ARHGAP8: variants seen among roughly 807,000 people sequenced by gnomAD.
ARHGAP8 encodes the protein Rho GTPase activating protein 8.
ARHGAP8 carries 62 observed loss-of-function variants against 46.1 expected under a neutral mutation model. That is an observed-to-expected ratio of 1.34 (90% confidence interval 1.10 to 1.66). ARHGAP8 has a LOEUF of 1.66. Among genes scored for constraint, ARHGAP8 ranks in the 40% most tolerant of loss-of-function variants. ARHGAP8 has a pLI of 0.00. For synonymous variants in ARHGAP8, 375 were observed against 243.1 expected (o/e 1.54, Z -5.05); for missense variants, 923 against 568.4 (o/e 1.62, Z -6.34).
intron 1 of ARHGAP8, among the ~76,000 whole-genome samples, chr22:44,784,142 A>C (rs900496040): frequency 2.6e-5 from 4 of 152,172 alleles, no homozygotes; most frequent in Admixed American, 2.6e-4. Context: ...GGTGACTCAC[A>C]CCTGTAATCC....
intron 1 of ARHGAP8, among the ~76,000 whole-genome samples, chr22:44,752,932 G>T (rs1924360609): frequency 6.9e-6 from 1 of 145,138 alleles, no homozygotes; most frequent in South Asian, 2.2e-4. Context: ...CGCCTTCCCC[G>T]CCCTCGCCTC....
rs1032019354 is a variant in ARHGAP8, at chr22:44,808,185, T to C, written c.168-122T>C. On this transcript the variant is annotated intron_variant, in intron 3 of 11. Coordinates refer to ENST00000356099, the MANE Select transcript of ARHGAP8 (RefSeq NM_181335.3). Reference sequence around the variant, plus strand: ...GGACCGGGGCCCACGGTGCATGGAGTCTCCATGTGGCCCGGTGCTGGCACC... The same window carrying C: ...GGACCGGGGCCCACGGTGCATGGAGCCTCCATGTGGCCCGGTGCTGGCACC... 5 of 1,444,596 alleles carry C rather than the reference T, an allele frequency of 3.5e-6. No homozygotes were observed. In the African/African-American group the frequency reaches 7.1e-5, roughly 21 times the overall value. The allele number at this position is 1,444,596 out of a possible 1,614,324, so 89.5% of individuals were successfully genotyped here.
intron 4 of ARHGAP8, among the ~76,000 whole-genome samples, chr22:44,813,884 A>T (rs1929547699): frequency 1.3e-5 from 2 of 152,176 alleles, no homozygotes; most frequent in Non-Finnish European, 2.9e-5. Flanking sequence ...ATTGGCTTCC[A>T]AAAATTCCTG....
chr22:44,861,248 C>T (rs1354894492), intron 11 of ARHGAP8, among the ~76,000 whole-genome samples: 1 of 152,202 alleles, frequency 6.6e-6, no homozygotes, highest in African/African-American at 2.4e-5. Flanking sequence ...GCTGGGATTA[C>T]AGGTGTGAGC....
Position 44,862,640 on chromosome 22 carries a change from C to T in ARHGAP8, c.*45C>T, listed in dbSNP as rs368015663. ...ATTTCGAGCTACCTCCCACACCTGT[C>T]TGTGCACTTGTATGTTTTGTAAACT... On this transcript the variant is annotated 3_prime_UTR_variant, in exon 12 of 12. Coordinates refer to ENST00000356099, the MANE Select transcript of ARHGAP8 (RefSeq NM_181335.3). 9.2e-5 allele frequency: 139 copies of T among 1,513,456 alleles called. No homozygotes were observed. Among genetic ancestry groups the T allele is most frequent in the Non-Finnish European group, 1.2e-4 (134 of 1,128,632 alleles). 93.8% of individuals were successfully genotyped at this position (1,513,456 alleles called of 1,614,324 possible). A position where few individuals can be genotyped will look rare whatever the true frequency, so the allele number is the denominator to read the frequency against.
chr22:44,852,972 T>A (rs1188394292), intron 10 of ARHGAP8, among the ~76,000 whole-genome samples: 1 of 152,090 alleles, frequency 6.6e-6, no homozygotes, highest in Non-Finnish European at 1.5e-5. Context: ...CTGGCTAATT[T>A]TTTGTATTTT....
chr22:44,769,524 G>A (rs1925844365), intron 1 of ARHGAP8, among the ~76,000 whole-genome samples: 1 of 152,174 alleles, frequency 6.6e-6, no homozygotes, highest in African/African-American at 2.4e-5. Context: ...GATTGTGTTT[G>A]AATCTAGAGA....
In ARHGAP8 at chr22:44,822,393, A is replaced by G. The variant is rs1392597814; in HGVS notation, c.409A>G (p.Ile137Val). ...LISHKFGKKV[I>V]YFNYLSELHE... is the part of the protein sequence containing the mutation. ...TAGTCACAAGTTTGGGAAGAAAGTCATCTATTTCAACTACCTGAGTGAGCT... is the reference window on the plus strand; with the variant it reads ...TAGTCACAAGTTTGGGAAGAAAGTCGTCTATTTCAACTACCTGAGTGAGCT... The change falls in exon 6 of 12, where the codon ATC becomes GTC. Residue 137 changes from isoleucine (I) to valine (V), a missense_variant. Physicochemically the swap from Ile to Val is conservative, Grantham distance 29 (BLOSUM62 3). Coordinates refer to ENST00000356099, the MANE Select transcript of ARHGAP8 (RefSeq NM_181335.3). The G allele has an allele frequency of 1.3e-6, 2 of 1,583,668 alleles. No homozygotes were observed. Among genetic ancestry groups the G allele is most frequent in the Non-Finnish European group, 1.7e-6 (2 of 1,170,030 alleles).
intron 9 of ARHGAP8, among the ~76,000 whole-genome samples, chr22:44,848,528 C>T (rs534991768): frequency 4.6e-5 from 7 of 152,376 alleles, no homozygotes; most frequent in South Asian, 2.1e-4. Context: ...CACTCGCTCC[C>T]GTCATCAGTT....
intron 2 of ARHGAP8, among the ~76,000 whole-genome samples, chr22:44,795,723 C>G (rs1928034648): frequency 6.6e-6 from 1 of 152,136 alleles, no homozygotes; most frequent in Non-Finnish European, 1.5e-5. Context: ...CTGCGGTGGC[C>G]CATTGTGGCC....
intron 10 of ARHGAP8, among the ~76,000 whole-genome samples, chr22:44,858,040 T>G (rs1311520943): frequency 3.9e-5 from 6 of 152,362 alleles, no homozygotes; most frequent in Non-Finnish European, 8.8e-5. Flanking sequence ...GGCAGCCACC[T>G]GGCTCGGTTG....
chr22:44,862,216 T>G, intron 11 of ARHGAP8, 59 bp from the exon 12 acceptor site: 1 of 1,532,230 alleles, frequency 6.5e-7, no homozygotes, highest in Non-Finnish European at 8.8e-7. Context: ...GGGAGGGAGT[T>G]CCAGGTGCCC....
intron 2 of ARHGAP8, among the ~76,000 whole-genome samples, chr22:44,794,867 A>C (rs976526182): frequency 6.6e-6 from 1 of 151,876 alleles, no homozygotes; most frequent in Non-Finnish European, 1.5e-5. Context: ...GTTCACTTGG[A>C]AGGACATTTA....
At chr22:44,776,232 C>T (rs1926406292) in intron 1 of ARHGAP8, among the ~76,000 whole-genome samples, 1 of 152,146 alleles carries the variant, frequency 6.6e-6, no homozygotes, top group South Asian at 2.1e-4. Flanking sequence ...GGGTGGATCA[C>T]CTGAGTTCAG....
At chr22:44,842,273 C>T (rs933814274) in intron 7 of ARHGAP8, among the ~76,000 whole-genome samples, 35 of 152,184 alleles carry the variant, frequency 2.3e-4, no homozygotes, top group African/African-American at 7.5e-4. Context: ...AGGAGAATTG[C>T]TTCAACTCAG....
rs1271052594 is a variant in ARHGAP8 at position 44,859,836 on chromosome 22, T to A, written c.981+2T>A. The A allele has an allele frequency of 6.2e-7, 1 of 1,613,256 alleles. No individual in the cohort carries two copies. The highest frequency in any genetic ancestry group is 8.5e-7 in the Non-Finnish European group (1 of 1,179,668). ...TACCTCATGGGCTTCCTGCATGCGGTGAGTGGGGAAGGGGGGAGCTTGGGG... is the reference window on the plus strand; with the variant it reads ...TACCTCATGGGCTTCCTGCATGCGGAGAGTGGGGAAGGGGGGAGCTTGGGG... On this transcript the variant is annotated splice_donor_variant, in intron 11 of 11. Transcript: ENST00000356099. LOFTEE classifies it high-confidence loss of function.
intron 1 of ARHGAP8, among the ~76,000 whole-genome samples, chr22:44,759,191 C>T (rs1426388236): frequency 2.0e-5 from 3 of 152,192 alleles, no homozygotes; most frequent in Non-Finnish European, 4.4e-5. Flanking sequence ...CTCCCAAGTC[C>T]CTGCTCGTGT....
At chr22:44,842,390 G>T (rs983003316) in intron 7 of ARHGAP8, among the ~76,000 whole-genome samples, 1 of 152,054 alleles carries the variant, frequency 6.6e-6, no homozygotes. Context: ...AAACAGCACA[G>T]GTCTTGCATA....
At chr22:44,848,317 G>A (rs1487894926) in intron 9 of ARHGAP8, among the ~76,000 whole-genome samples, 2 of 151,992 alleles carry the variant, frequency 1.3e-5, no homozygotes, top group Non-Finnish European at 2.9e-5. Flanking sequence ...TCCACACCAC[G>A]TGGCACGTGC....
Sources: allele counts gnomAD v4.1 joint callset (sites outside exome capture counted in the v4.1 genomes callset), GRCh38; gene constraint gnomAD v4.1.1; transcripts MANE v1.5; gene names NCBI Gene and HGNC (gene_info 2026-07-23, HGNC 2026-07-21).